The following DNMT1 variants were observed in gnomAD, a reference collection of about 807,000 sequenced individuals.
DNMT1 encodes the protein DNA methyltransferase 1.
A neutral mutation model predicts 205.3 loss-of-function variants in DNMT1; 24 were observed. The observed-to-expected ratio is 0.12, with a 90% CI of 0.08 to 0.16. The LOEUF (loss-of-function observed/expected upper bound fraction) is 0.16, where lower values mean the gene tolerates loss of function less well. DNMT1 is among the 10% of genes least tolerant of loss of function. The pLI, the probability that DNMT1 is intolerant of heterozygous loss-of-function variation, is 1.00. For synonymous variants in DNMT1, 817 were observed against 839.8 expected (o/e 0.97, Z 0.47); for missense variants, 1,293 against 2,177.7 (o/e 0.59, Z 8.09).
intron 7 of DNMT1, among the ~76,000 whole-genome samples, chr19:10,175,145 T>G (rs1203755951): frequency 6.6e-6 from 1 of 151,108 alleles, no homozygotes; most frequent in African/African-American, 2.4e-5. Context: ...ATAACATGTA[T>G]GTATGTAAGA....
intron 9 of DNMT1, among the ~76,000 whole-genome samples, chr19:10,172,754 G>T (rs1299572011): frequency 1.3e-5 from 2 of 152,090 alleles, no homozygotes; most frequent in African/African-American, 4.8e-5. Flanking sequence ...GGCAGAGGTT[G>T]CAACGAGCCG....
At chr19:10,158,758 C>A (rs901384846) in intron 17 of DNMT1, among the ~76,000 whole-genome samples, 3 of 152,198 alleles carry the variant, frequency 2.0e-5, no homozygotes, top group Admixed American at 6.5e-5. Context: ...CAGCCCCAAC[C>A]CAGCAACCAC....
At position 10,182,700 on chromosome 19, in the gene DNMT1, C is replaced by T. The variant is rs2039094633; in HGVS notation, c.81-623G>A. ...AGACAGACAGACAGACATGGAGTCT[C>T]GCTCTGTTGCCCAGGCTGGAGTGCA... On this transcript the variant is annotated intron_variant, in intron 1 of 40. Transcript: ENST00000359526. Among the ~76,000 whole-genome samples the T allele has an allele frequency of 2.0e-5, 3 of 151,592 alleles. No individual in the cohort carries two copies. In the South Asian group the frequency reaches 6.2e-4, roughly 31 times the overall value.
intron 9 of DNMT1, among the ~76,000 whole-genome samples, chr19:10,172,019 T>A (rs904394429): frequency 6.9e-6 from 1 of 144,580 alleles, no homozygotes; most frequent in African/African-American, 2.7e-5. Flanking sequence ...AAAAAAAAAA[T>A]TAAATTAAAT....
chr19:10,140,466 T>TCCAAGCGA lies in DNMT1; in HGVS notation c.3524-139_3524-138insTCGCTTGG. 7.9e-7 allele frequency: 1 copy of TCCAAGCGA among 1,272,974 alleles called. No homozygotes were observed. 78.9% of individuals were successfully genotyped at this position (1,272,974 alleles called of 1,614,324 possible). ...CTCACTGCAAGCTCTGCCTCCCAGGTTCAAGCGATTCTCCCACCTCAGCCT... is the reference window on the plus strand; with the variant it reads ...CTCACTGCAAGCTCTGCCTCCCAGGTCCAAGCGATCAAGCGATTCTCCCACCTCAGCCT... On this transcript the variant is annotated intron_variant, in intron 32 of 40. Coordinates refer to ENST00000359526, the MANE Select transcript of DNMT1 (RefSeq NM_001130823.3). This position sits in a 1 kb window ranked among gnomAD's most constrained non-coding sequence, Gnocchi z 8.4.
intron 13 of DNMT1, among the ~76,000 whole-genome samples, chr19:10,160,759 C>A (rs947684896): frequency 3.3e-5 from 5 of 152,136 alleles, no homozygotes; most frequent in African/African-American, 1.2e-4. Context: ...GCCAGGCGGG[C>A]ACTTGTAATC....
Position 10,142,370 on chromosome 19 carries a change from G to A in DNMT1, c.3117-150C>T. The stretch of plus-strand genomic sequence containing the variant: ...CAGGGTAAAGACCCCCTCAGTTAGG[G>A]AACTGCAGGGTAAAGATATCTCCTC... On this transcript the variant is annotated intron_variant, in intron 29 of 40. Coordinates refer to ENST00000359526, the MANE Select transcript of DNMT1 (RefSeq NM_001130823.3). 16 of 1,057,090 alleles carry A rather than the reference G, an allele frequency of 1.5e-5. No homozygotes were observed. In the South Asian group the frequency reaches 1.8e-4, roughly 12 times the overall value. The allele number at this position is 1,057,090 out of a possible 1,614,324, so 65.5% of individuals were successfully genotyped here. A position where few individuals can be genotyped will look rare whatever the true frequency, so the allele number is the denominator to read the frequency against.
chr19:10,134,108 G>A, intron 40 of DNMT1, 109 bp downstream of exon 40: 1 of 1,160,148 alleles, frequency 8.6e-7, no homozygotes, highest in Non-Finnish European at 1.3e-6. Context: ...AACGTGGGTA[G>A]GTGACCCGCC....
At chr19:10,141,933 C>T (rs2089608556) in intron 30 of DNMT1, 95 bp downstream of exon 30, 3 of 1,468,884 alleles carry the variant, frequency 2.0e-6, no homozygotes, top group Non-Finnish European at 2.8e-6. Context: ...AAGCTGAAAC[C>T]CTGCAGCCAA....
At chr19:10,141,721 C>A in intron 30 of DNMT1, 1 of 399,384 alleles carries the variant, frequency 2.5e-6, no homozygotes, top group Non-Finnish European at 4.6e-6. Flanking sequence ...CTGGTGGAAG[C>A]TGCCTCATGG....
Position 10,159,982 on chromosome 19 carries a change from GCGC to G in DNMT1, c.1089+33_1089+35del, listed in dbSNP as rs770347462. ...AGAGCAGCTCCCAGCCGCCTCGTGAGCGCCGCCACCGGCTTTATTCCCGGCAGA... is the reference window on the plus strand; with the variant it reads ...AGAGCAGCTCCCAGCCGCCTCGTGAGCGCCACCGGCTTTATTCCCGGCAGA... On this transcript the variant is annotated intron_variant, in intron 15 of 40. Transcript: ENST00000359526. This position sits in a 1 kb window ranked among gnomAD's most constrained non-coding sequence, Gnocchi z 5.0. 1.2e-6 allele frequency: 2 copies of G among 1,614,242 alleles called. No individual in the cohort carries two copies. Among genetic ancestry groups the G allele is most frequent in the Non-Finnish European group, 1.7e-6 (2 of 1,180,048 alleles).
rs1471031903 is a variant in DNMT1 at position 10,154,503 on chromosome 19, C to CA, written c.1833-25dup. On this transcript the variant is annotated intron_variant, in intron 21 of 40. Transcript: ENST00000359526. The surrounding 1 kb of genome is among the most constrained non-coding windows in gnomAD (Gnocchi z 6.3). ...GCCTACGGGAGAGGTTCCAGCATCTCAGAGGACTGGGACAGAGGATGTGGG... is the reference window on the plus strand; with the variant it reads ...GCCTACGGGAGAGGTTCCAGCATCTCAAGAGGACTGGGACAGAGGATGTGGG... 6.2e-7 allele frequency: 1 copy of CA among 1,614,202 alleles called. No individual in the cohort carries two copies. Among genetic ancestry groups the CA allele is most frequent in the South Asian group, 1.1e-5 (1 of 91,088 alleles).
Position 10,151,239 on chromosome 19 carries a change from A to G in DNMT1, c.2265+159T>C, listed in dbSNP as rs1182567229. On this transcript the variant is annotated intron_variant, in intron 24 of 40. Transcript: ENST00000359526. The surrounding 1 kb of genome is among the most constrained non-coding windows in gnomAD (Gnocchi z 5.0). ...CCTTGCTGGTACTGAGCCATGGAAC[A>G]TGGTCTCTTGGCCAGTCCCGCTCTT... Among the ~76,000 whole-genome samples the G allele has an allele frequency of 1.3e-5, 2 of 152,070 alleles. No individual in the cohort carries two copies. Among genetic ancestry groups the G allele is most frequent in the Admixed American group, 6.6e-5 (1 of 15,252 alleles).
chr19:10,166,722 C>T (rs2038701538), intron 10 of DNMT1, 37 bp from the exon 11 acceptor site: 1 of 1,612,634 alleles, frequency 6.2e-7, no homozygotes, highest in Non-Finnish European at 8.5e-7. Context: ...GGCTGGTCAG[C>T]TCGGGGGGGG....
intron 40 of DNMT1, 111 bp downstream of exon 40, chr19:10,134,106 T>G: frequency 9.0e-7 from 1 of 1,110,346 alleles, no homozygotes; most frequent in Non-Finnish European, 1.4e-6. Context: ...CGAACGTGGG[T>G]AGGTGACCCG....
Position 10,174,960 on chromosome 19 carries a change from C to T in DNMT1, c.648+580G>A, listed in dbSNP as rs531468592. Among the ~76,000 whole-genome samples the T allele has an allele frequency of 3.4e-5, 5 of 148,936 alleles. No individual in the cohort carries two copies. The East Asian group carries it at 9.9e-4, about 30-fold the overall frequency. The stretch of plus-strand genomic sequence containing the variant: ...GTCCCAGCTACTCGGGAGGCTGAAG[C>T]AGGAGAATCACTTGAACCCGGGAGG... On this transcript the variant is annotated intron_variant, in intron 7 of 40. Coordinates refer to ENST00000359526, the MANE Select transcript of DNMT1 (RefSeq NM_001130823.3).
chr19:10,175,060 A>C (rs1451879959), intron 7 of DNMT1, among the ~76,000 whole-genome samples: 1 of 149,620 alleles, frequency 6.7e-6, no homozygotes, highest in Non-Finnish European at 1.5e-5. Flanking sequence ...GTCTCAAAAA[A>C]AGAAGTCTAA....
chr19:10,143,384 C>CTTTT (rs542026334), intron 29 of DNMT1, among the ~76,000 whole-genome samples: 9 of 119,498 alleles, frequency 7.5e-5, no homozygotes, highest in South Asian at 5.6e-4. Flanking sequence ...CCCAGCTAGT[C>CTTTT]TTTTTTTTTT....
chr19:10,137,985 G>A lies in DNMT1; in HGVS notation c.4140C>T (p.Thr1380=), dbSNP rs749741623. ...CGGACATCGTGTCTCGCACCGTGAT[G>A]GTCCGGAAAGGACCCGAGCTCAACC... ...ITRLSSGPFR[T]ITVRDTMSDL... The change falls in exon 36 of 41, where the codon ACC becomes ACT. Residue 1380 remains threonine (T), a synonymous_variant. Coordinates refer to ENST00000359526, the MANE Select transcript of DNMT1 (RefSeq NM_001130823.3). The surrounding 1 kb of genome is among the most constrained non-coding windows in gnomAD (Gnocchi z 6.4). The A allele has an allele frequency of 3.7e-6, 6 of 1,611,442 alleles. No homozygotes were observed. The highest frequency in any genetic ancestry group is 2.5e-6 in the Non-Finnish European group (3 of 1,179,096).
Sources: gnomAD v4.1 joint callset for allele counts (sites outside exome capture counted in the v4.1 genomes callset) on GRCh38, gnomAD v4.1.1 for gene constraint, Gnocchi (gnomAD v3.1) non-coding constraint, MANE v1.5 for transcripts, NCBI Gene and HGNC (gene_info 2026-07-23, HGNC 2026-07-21) for gene names.